Variants in INPP4A observed in about 807,000 individuals in gnomAD.
INPP4A encodes the protein inositol polyphosphate-4-phosphatase type I A.
INPP4A carries 33 observed loss-of-function variants against 119.8 expected under a neutral mutation model. That is an observed-to-expected ratio of 0.28 (90% CI 0.21 to 0.37). INPP4A has a LOEUF of 0.37. Among genes scored for constraint, INPP4A ranks in the 10% least tolerant of loss-of-function variants. The pLI is 1.00. For missense variants in INPP4A, 956 were observed against 1,289.9 expected (o/e 0.74, Z 3.97); for synonymous variants, 496 against 500.7 (o/e 0.99, Z 0.12).
rs1553519699 is a variant in INPP4A, at chr2:98,576,922, G to A, written c.2632-67G>A. 2.6e-6 allele frequency: 4 copies of A among 1,547,464 alleles called. No individual in the cohort carries two copies. In the South Asian group the frequency reaches 4.9e-5, roughly 19 times the overall value. On this transcript the variant is annotated intron_variant, in intron 23 of 24. Transcript: ENST00000409851. ...GCTGGGCTGGTTGGGAGCCTTTCCT[G>A]TGTGTGAAGGGTGCTGCCTTTCTGT...
At chr2:98,467,422 G>GA in intron 1 of INPP4A, among the ~76,000 whole-genome samples, 1 of 152,088 alleles carries the variant, frequency 6.6e-6, no homozygotes, top group Non-Finnish European at 1.5e-5. Context: ...CTGTTAACTT[G>GA]GTCTCTACAT....
At chr2:98,548,539 C>CT (rs1156498078) in intron 13 of INPP4A, among the ~76,000 whole-genome samples, 1 of 152,154 alleles carries the variant, frequency 6.6e-6, no homozygotes, top group African/African-American at 2.4e-5. Flanking sequence ...TTCTGGGGGT[C>CT]TTTGTCCCAG....
In INPP4A at chr2:98,444,861, T is replaced by G. The variant is rs1250261491; in HGVS notation, c.-390T>G. On this transcript the variant is annotated 5_prime_UTR_variant, in exon 1 of 25. Coordinates refer to ENST00000409851, the MANE Select transcript of INPP4A (RefSeq NM_001134225.2). ...CCAGGGCGGGGCTGCGCCCGGCGTCTAGAGCGGCGGCGGCTGGCTAGGGCT... is the reference window on the plus strand; with the variant it reads ...CCAGGGCGGGGCTGCGCCCGGCGTCGAGAGCGGCGGCGGCTGGCTAGGGCT... 6.6e-6 allele frequency: 1 copy of G among 151,742 alleles called. No individual in the cohort carries two copies. Among genetic ancestry groups the G allele is most frequent in the East Asian group, 1.9e-4 (1 of 5,140 alleles). 9.4% of individuals were successfully genotyped at this position (151,742 alleles called of 1,614,324 possible). A position where few individuals can be genotyped will look rare whatever the true frequency, so the allele number is the denominator to read the frequency against.
Position 98,554,135 on chromosome 2 carries a change from A to G in INPP4A, c.1348-136A>G, listed in dbSNP as rs1694049784. On this transcript the variant is annotated intron_variant, in intron 14 of 24. Coordinates refer to ENST00000409851, the MANE Select transcript of INPP4A (RefSeq NM_001134225.2). The surrounding 1 kb of genome is among the most constrained non-coding windows in gnomAD (Gnocchi z 4.7). ...GACATCTTGAGGGATGTAGCCCTTC[A>G]GTTGCTTTGCACTGTGGAGAAAGGC... is the stretch of plus-strand genomic sequence containing the variant. 4.8e-6 allele frequency: 3 copies of G among 623,322 alleles called. No homozygotes were observed. Among genetic ancestry groups the G allele is most frequent in the Non-Finnish European group, 5.5e-6 (2 of 364,488 alleles). 38.6% of individuals were successfully genotyped at this position (623,322 alleles called of 1,614,324 possible).
chr2:98,524,147 C>T (rs200407710), intron 4 of INPP4A, among the ~76,000 whole-genome samples: 15 of 152,240 alleles, frequency 9.9e-5, no homozygotes, highest in South Asian at 2.1e-4. Context: ...TCACAGTGAA[C>T]GTATTCATAC....
At chr2:98,463,699 C>T (rs1170378646) in intron 1 of INPP4A, among the ~76,000 whole-genome samples, 2 of 152,232 alleles carry the variant, frequency 1.3e-5, no homozygotes, top group African/African-American at 2.4e-5. Context: ...TAGCCACCTG[C>T]GGAGGGCTCA....
intron 13 of INPP4A, among the ~76,000 whole-genome samples, chr2:98,550,249 T>G (rs1693264273): frequency 6.6e-6 from 1 of 152,050 alleles, no homozygotes; most frequent in African/African-American, 2.4e-5. Context: ...AGGGAGGGGA[T>G]GGAGCGGGGA....
chr2:98,576,399 G>A (rs542287453), intron 23 of INPP4A, among the ~76,000 whole-genome samples: 9 of 152,320 alleles, frequency 5.9e-5, no homozygotes, highest in Middle Eastern at 3.4e-3. Flanking sequence ...CTCTGCTACC[G>A]GGAAAGTATG....
chr2:98,517,075 G>A (rs138903517), intron 1 of INPP4A, among the ~76,000 whole-genome samples: 168 of 152,104 alleles, frequency 1.1e-3, no homozygotes, highest in African/African-American at 3.8e-3. Context: ...CCAGAGCCCC[G>A]GAAGCCCTCT....
intron 1 of INPP4A, among the ~76,000 whole-genome samples, chr2:98,448,601 C>A (rs188199137): frequency 3.6e-4 from 54 of 152,044 alleles, no homozygotes; most frequent in Non-Finnish European, 7.2e-4. Context: ...AAGATAATGC[C>A]CTCAATTGGG....
intron 17 of INPP4A, among the ~76,000 whole-genome samples, chr2:98,561,982 A>T (rs1397464284): frequency 6.6e-6 from 1 of 152,186 alleles, no homozygotes; most frequent in Non-Finnish European, 1.5e-5. Context: ...AGACTCGGAC[A>T]TTATCTAGTG....
chr2:98,568,612 G>C lies in INPP4A; in HGVS notation c.2462G>C (p.Ser821Thr). The change falls in exon 22 of 25, where the codon AGT becomes ACT. Residue 821 changes from serine (S) to threonine (T), a missense_variant. Transcript: ENST00000409851. ...TTACAAGAAGTCATCAACGTGGAGA[G>C]TTTGGTGCGGTTAAATTCCTACTTT... ...TSLQEVINVE[S>T]LVRLNSYFEQ... is the part of the protein sequence containing the mutation. The C allele has an allele frequency of 6.2e-7, 1 of 1,605,090 alleles. No individual in the cohort carries two copies. The highest frequency in any genetic ancestry group is 8.5e-7 in the Non-Finnish European group (1 of 1,175,260).
Position 98,520,091 on chromosome 2 carries a change from C to G in INPP4A, c.43C>G (p.Arg15Gly), listed in dbSNP as rs542695419. The change falls in exon 3 of 25, where the codon CGT becomes GGT. Residue 15 changes from arginine (R) to glycine (G), a missense_variant. Around this residue, in one of 2 missense-constraint regions of INPP4A, gnomAD observed 652 missense variants for 797.9 expected, o/e 0.82. Transcript: ENST00000409851. Reference sequence around the variant, plus strand: ...CAGCCCTCGCCATGGTGCCAGGGCCCGTGCAATGCAGCGGGCTTCCACCAT... The same window carrying G: ...CAGCCCTCGCCATGGTGCCAGGGCCGGTGCAATGCAGCGGGCTTCCACCAT... The part of the protein sequence containing the change: ...EHSPRHGARA[R>G]AMQRASTIDV... 1.9e-6 allele frequency: 3 copies of G among 1,581,210 alleles called. No homozygotes were observed. The highest frequency in any genetic ancestry group is 2.6e-6 in the Non-Finnish European group (3 of 1,162,294).
At chr2:98,461,207 C>A (rs184729191) in intron 1 of INPP4A, among the ~76,000 whole-genome samples, 2 of 152,348 alleles carry the variant, frequency 1.3e-5, no homozygotes, top group East Asian at 3.9e-4. Flanking sequence ...CACCCTCCAT[C>A]TCTAACTGGG....
At chr2:98,542,899 G>A (rs1209500936) in intron 10 of INPP4A, among the ~76,000 whole-genome samples, 2 of 151,666 alleles carry the variant, frequency 1.3e-5, no homozygotes, top group African/African-American at 2.4e-5. Flanking sequence ...GTGACACAGC[G>A]GGCCACTTTT....
intron 10 of INPP4A, among the ~76,000 whole-genome samples, chr2:98,539,972 G>T (rs1028976800): frequency 6.6e-6 from 1 of 151,962 alleles, no homozygotes; most frequent in African/African-American, 2.4e-5. Flanking sequence ...TTGCTCTGTC[G>T]CTCAGGCTGG....
intron 22 of INPP4A, 40 bp from the exon 23 acceptor site, chr2:98,572,775 G>T (rs1697705385): frequency 1.4e-6 from 2 of 1,436,822 alleles, no homozygotes; most frequent in Admixed American, 2.1e-5. Flanking sequence ...GGAGTTCCTG[G>T]GTGCGTCACC....
intron 23 of INPP4A, 127 bp downstream of exon 23, chr2:98,573,054 C>T (rs1697765053): frequency 1.4e-6 from 1 of 698,666 alleles, no homozygotes. Flanking sequence ...GAGGGAGTCA[C>T]TGAGTACGTT....
chr2:98,477,986 T>C (rs1158668097), intron 1 of INPP4A, among the ~76,000 whole-genome samples: 1 of 152,152 alleles, frequency 6.6e-6, no homozygotes, highest in Non-Finnish European at 1.5e-5. Flanking sequence ...GGGAGGTGGA[T>C]TCAGTGCGAG....
Sources: gnomAD v4.1 joint callset for allele counts (sites outside exome capture counted in the v4.1 genomes callset) on GRCh38, gnomAD v4.1.1 for gene constraint, gnomAD v4.1.1 regional missense constraint, Gnocchi (gnomAD v3.1) non-coding constraint, MANE v1.5 for transcripts, NCBI Gene and HGNC (gene_info 2026-07-23, HGNC 2026-07-21) for gene names.